The following LIG3 variants were observed in gnomAD, a reference collection of about 807,000 sequenced individuals.
LIG3 encodes ligase II, DNA, ATP-dependent.
A neutral mutation model predicts 110.9 loss-of-function variants in LIG3; 58 were observed. That is an observed-to-expected ratio of 0.52 (90% CI 0.42 to 0.65). The LOEUF is 0.65. Among genes scored for constraint, LIG3 ranks in the 30% least tolerant of loss-of-function variants. LIG3 has a pLI of 0.00. For missense variants in LIG3, 1,094 were observed against 1,273.8 expected (o/e 0.86, Z 2.15); for synonymous variants, 422 against 472.8 (o/e 0.89, Z 1.39).
At chr17:34,998,804 G>A (rs2090808670) in intron 14 of LIG3, 77 bp downstream of exon 14, 4 of 1,517,072 alleles carry the variant, frequency 2.6e-6, no homozygotes, top group Admixed American at 2.0e-5. Flanking sequence ...CCTTGTTACT[G>A]GCTTGATCTG....
At chr17:34,985,347 G>A (rs1217687876) in intron 2 of LIG3, among the ~76,000 whole-genome samples, 1 of 152,154 alleles carries the variant, frequency 6.6e-6, no homozygotes, top group African/African-American at 2.4e-5. Context: ...ATGGGTATCT[G>A]TCCTTGTTCT....
intron 13 of LIG3, 31 bp downstream of exon 13, chr17:34,998,327 G>A (rs773120077): frequency 2.0e-5 from 31 of 1,580,028 alleles, no homozygotes; most frequent in Non-Finnish European, 2.4e-5. Context: ...TTCTCCTGTC[G>A]ACTCACTCGC....
At chr17:34,999,497 A>C (rs756580288) in intron 15 of LIG3, 48 bp downstream of exon 15, 8 of 1,592,452 alleles carry the variant, frequency 5.0e-6, no homozygotes, top group Non-Finnish European at 6.9e-6. Context: ...GGCCGCCATC[A>C]CTGAGACAGA....
At chr17:34,998,904 A>T (rs538163905) in intron 14 of LIG3, 177 bp downstream of exon 14, 6 of 671,790 alleles carry the variant, frequency 8.9e-6, no homozygotes, top group Non-Finnish European at 1.5e-5. Flanking sequence ...TTACTCGGTT[A>T]GGGAGAAGTC....
At chr17:35,009,862 A>G (rs1374226125), downstream of LIG3, 3 of 152,680 alleles carry the variant, frequency 2.0e-5, no homozygotes, top group Non-Finnish European at 4.4e-5. Context: ...GCACATACAT[A>G]GACCTGTTTT....
intron 11 of LIG3, 116 bp downstream of exon 11, chr17:34,996,769 A>G: frequency 1.2e-6 from 1 of 861,488 alleles, no homozygotes; most frequent in Non-Finnish European, 1.9e-6. Context: ...CAGCTGGCAC[A>G]TACGTTTGTG....
intron 18 of LIG3, among the ~76,000 whole-genome samples, chr17:35,002,455 A>G (rs907730212): frequency 6.6e-6 from 1 of 152,100 alleles, no homozygotes; most frequent in African/African-American, 2.4e-5. Flanking sequence ...ACTGCCCCTG[A>G]CTTCAGGGAG....
At position 35,004,269 on chromosome 17, in the gene LIG3, G is replaced by A; in HGVS notation, c.2797-4G>A. ...ACCCCACCCTGACCCCTCTGCATTT[G>A]CAGGTATTGCTGGACATCTTCACTG... is the stretch of plus-strand genomic sequence containing the variant. On this transcript the variant is annotated splice_region_variant and splice_polypyrimidine_tract_variant and intron_variant, in intron 19 of 19. Coordinates refer to ENST00000378526, the MANE Select transcript of LIG3 (RefSeq NM_013975.4). 1 of 1,613,176 alleles carries A rather than the reference G, an allele frequency of 6.2e-7. No homozygotes were observed. The highest frequency in any genetic ancestry group is 1.7e-5 in the Admixed American group (1 of 60,004).
At chr17:34,987,062 A>G (rs2090663867) in intron 3 of LIG3, among the ~76,000 whole-genome samples, 2 of 152,244 alleles carry the variant, frequency 1.3e-5, no homozygotes, top group Non-Finnish European at 2.9e-5. Context: ...AGGACAGATG[A>G]ACAATAAAGT....
chr17:35,004,067 C>T (rs2090873074), intron 19 of LIG3: 1 of 570,432 alleles, frequency 1.8e-6, no homozygotes, highest in African/African-American at 1.9e-5. Context: ...TCTCCTTTTC[C>T]CCTAGGCAGG....
In LIG3 at chr17:34,999,021, A is replaced by G. The variant is rs532282129; in HGVS notation, c.2114-286A>G. 74 of 505,666 alleles carry G rather than the reference A, an allele frequency of 1.5e-4. No homozygotes were observed. In the South Asian group the frequency reaches 2.0e-3, roughly 14 times the overall value. 31.3% of individuals were successfully genotyped at this position (505,666 alleles called of 1,614,324 possible). A position where few individuals can be genotyped will look rare whatever the true frequency, so the allele number is the denominator to read the frequency against. On this transcript the variant is annotated intron_variant, in intron 14 of 19. Transcript: ENST00000378526. ...GGCAAAATCTCTTTCCTGACTGGAA[A>G]GGAAGCTGGAGTCTGAGGAACTAAT... is the stretch of plus-strand genomic sequence containing the variant.
intron 3 of LIG3, among the ~76,000 whole-genome samples, chr17:34,987,162 T>G (rs950562074): frequency 3.9e-5 from 6 of 152,240 alleles, no homozygotes; most frequent in Non-Finnish European, 8.8e-5. Context: ...AATATAGAAT[T>G]ACTATTTCAT....
In LIG3 at chr17:35,007,198, A is replaced by AGAG; in HGVS notation, c.*2693_*2695dup. 6.6e-6 allele frequency: 1 copy of AGAG among 152,370 alleles called. No homozygotes were observed. The highest frequency in any genetic ancestry group is 1.9e-4 in the East Asian group (1 of 5,188). 9.4% of individuals were successfully genotyped at this position (152,370 alleles called of 1,614,324 possible). ...TTGCCCTTATTGGTTGCTTACACCC[A>AGAG]GAGTGCACACTCACAGGAAAGGGCC... On this transcript the variant is annotated 3_prime_UTR_variant, in exon 20 of 20. Transcript: ENST00000378526.
chr17:35,000,650 C>G (rs1380857309), intron 16 of LIG3, among the ~76,000 whole-genome samples: 2 of 123,700 alleles, frequency 1.6e-5, no homozygotes, highest in Non-Finnish European at 3.2e-5. Flanking sequence ...GGGTCTCACT[C>G]TGTTGTCCAG....
rs542871307 is a variant in LIG3 at position 34,991,450 on chromosome 17, G to A, written c.1042-221G>A. On this transcript the variant is annotated intron_variant, in intron 5 of 19. Transcript: ENST00000378526. Reference sequence around the variant, plus strand: ...TTCTCCTATAACTTGGCTTTACCAAGCTTTGGTTTGTCCGTGACTCTATCC... The same window carrying A: ...TTCTCCTATAACTTGGCTTTACCAAACTTTGGTTTGTCCGTGACTCTATCC... The A allele has an allele frequency of 1.5e-4, 87 of 593,918 alleles. No individual in the cohort carries two copies. In the African/African-American group the frequency reaches 1.5e-3, roughly 11 times the overall value. The allele number at this position is 593,918 out of a possible 1,614,324, so 36.8% of individuals were successfully genotyped here.
intron 4 of LIG3, 74 bp from the exon 5 acceptor site, chr17:34,990,889 G>GC: frequency 1.4e-6 from 2 of 1,481,290 alleles, no homozygotes; most frequent in Non-Finnish European, 1.9e-6. Flanking sequence ...GAGCCACCTT[G>GC]CCCAGCCTTC....
At position 35,002,789 on chromosome 17, in the gene LIG3, G is replaced by A; in HGVS notation, c.2796G>A (p.Lys932=). 3 of 1,595,902 alleles carry A rather than the reference G, an allele frequency of 1.9e-6. No homozygotes were observed. Among genetic ancestry groups the A allele is most frequent in the Non-Finnish European group, 2.6e-6 (3 of 1,169,240 alleles). ...KAADETLCQT[K]VLLDIFTGVR... is the part of the protein sequence containing the mutation. ...CTGATGAGACGCTGTGCCAAACAAA[G>A]GTGAGGGTAAAAACAGCAACACACC... Residue 932 remains lysine, a splice_region_variant and synonymous_variant, in exon 19 of 20, where the codon AAG becomes AAA. Coordinates refer to ENST00000378526, the MANE Select transcript of LIG3 (RefSeq NM_013975.4).
chr17:35,004,561 C>A lies in LIG3; in HGVS notation c.*55C>A. On this transcript the variant is annotated 3_prime_UTR_variant, in exon 20 of 20. Transcript: ENST00000378526. ...TACTCTCCTTTACCATACTACTGGA[C>A]TGGACTCAGGCTGGAGGCAGATAGA... 1 of 1,446,712 alleles carries A rather than the reference C, an allele frequency of 6.9e-7. No individual in the cohort carries two copies. Among genetic ancestry groups the A allele is most frequent in the Non-Finnish European group, 9.7e-7 (1 of 1,032,636 alleles). The allele number at this position is 1,446,712 out of a possible 1,614,324, so 89.6% of individuals were successfully genotyped here.
At position 34,991,762 on chromosome 17, in the gene LIG3, A is replaced by G. The variant is rs758874227; in HGVS notation, c.1133A>G (p.Asp378Gly). ...AGCCTCCTTACCATCCAGGAAGTGG[A>G]TGAGTTCCTTCTGCGGCTGTCCAAG... ...AKSLLTIQEV[D>G]EFLLRLSKLT... Residue 378 changes from aspartate (D) to glycine (G), a missense_variant, in exon 6 of 20, where the codon GAT becomes GGT. Coordinates refer to ENST00000378526, the MANE Select transcript of LIG3 (RefSeq NM_013975.4). 12 of 1,614,080 alleles carry G rather than the reference A, an allele frequency of 7.4e-6. No individual in the cohort carries two copies. The highest frequency in any genetic ancestry group is 1.0e-5 in the Non-Finnish European group (12 of 1,180,024).
Sources: gnomAD v4.1 joint callset for allele counts (sites outside exome capture counted in the v4.1 genomes callset) on GRCh38, gnomAD v4.1.1 for gene constraint, MANE v1.5 for transcripts, NCBI Gene and HGNC (gene_info 2026-07-23, HGNC 2026-07-21) for gene names.